Variants in TENM4 observed in about 807,000 individuals in gnomAD.
TENM4 encodes the protein teneurin transmembrane protein 4.
A neutral mutation model predicts 243.3 loss-of-function variants in TENM4; 82 were observed. The observed-to-expected ratio is 0.34, with a 90% confidence interval of 0.28 to 0.40. The LOEUF (loss-of-function observed/expected upper bound fraction) is 0.40, where lower values mean the gene tolerates loss of function less well. Among genes scored for constraint, TENM4 ranks in the 10% least tolerant of loss-of-function variants. The pLI is 1.00. For missense variants in TENM4, 3,138 were observed against 3,673.3 expected, an observed-to-expected ratio of 0.85 and a Z score of 3.77; for synonymous variants, 1,412 against 1,456.3, an observed-to-expected ratio of 0.97 and a Z score of 0.69.
chr11:78,993,566 CTCTT>C (rs1292952466), intron 6 of TENM4, among the ~76,000 whole-genome samples: 2 of 152,136 alleles, frequency 1.3e-5, no homozygotes, highest in Non-Finnish European at 2.9e-5. Flanking sequence ...TTATTCTTCT[CTCTT>C]TCTGCTTCAG....
At chr11:79,419,662 C>T (rs561530664) in intron 1 of TENM4, among the ~76,000 whole-genome samples, 3 of 152,196 alleles carry the variant, frequency 2.0e-5, no homozygotes, top group South Asian at 4.1e-4. Flanking sequence ...TTCATTTCCT[C>T]AGCTTTAATG....
intron 26 of TENM4, among the ~76,000 whole-genome samples, chr11:78,711,310 G>GC (rs1859391524): frequency 1.3e-5 from 2 of 152,134 alleles, no homozygotes; most frequent in Non-Finnish European, 2.9e-5. Context: ...CCATGTGCGG[G>GC]GTACTACTGC....
intron 9 of TENM4, among the ~76,000 whole-genome samples, chr11:78,887,481 A>G (rs566336984): frequency 6.6e-6 from 1 of 152,336 alleles, no homozygotes; most frequent in South Asian, 2.1e-4. Flanking sequence ...GTGACTATAT[A>G]TTTAACCCTG....
chr11:79,187,651 T>C (rs913409096), intron 3 of TENM4, among the ~76,000 whole-genome samples: 3 of 152,154 alleles, frequency 2.0e-5, no homozygotes, highest in African/African-American at 7.2e-5. Flanking sequence ...TAACCCCCAG[T>C]ACCTCAGAAT....
chr11:78,706,672 G>C (rs916972771), intron 27 of TENM4, among the ~76,000 whole-genome samples: 2 of 152,172 alleles, frequency 1.3e-5, no homozygotes, highest in African/African-American at 4.8e-5. Flanking sequence ...CCATATGCCA[G>C]TTGTCTTCCA....
At chr11:79,287,770 T>C (rs935774759) in intron 2 of TENM4, among the ~76,000 whole-genome samples, 4 of 152,128 alleles carry the variant, frequency 2.6e-5, no homozygotes, top group African/African-American at 9.7e-5. Flanking sequence ...ATCATGAGGA[T>C]TCTAGATTCT....
chr11:79,339,237 T>C (rs1857203018), intron 1 of TENM4, among the ~76,000 whole-genome samples: 1 of 152,186 alleles, frequency 6.6e-6, no homozygotes, highest in Admixed American at 6.5e-5. Flanking sequence ...CAAGTGCAGA[T>C]GACAGAACAC....
chr11:79,296,993 TGAAA>T (rs934906185), intron 2 of TENM4, among the ~76,000 whole-genome samples: 2 of 152,032 alleles, frequency 1.3e-5, no homozygotes, highest in Admixed American at 6.6e-5. Context: ...AAAAACAGTG[TGAAA>T]GAAAGAAAGC....
chr11:79,321,160 C>T (rs528028401), intron 1 of TENM4, among the ~76,000 whole-genome samples: 1 of 152,306 alleles, frequency 6.6e-6, no homozygotes, highest in Admixed American at 6.5e-5. Context: ...CTCATGAGGA[C>T]AGTGAGGGGC....
chr11:78,676,663 C>G (rs1447290979), intron 29 of TENM4, among the ~76,000 whole-genome samples: 2 of 152,244 alleles, frequency 1.3e-5, no homozygotes, highest in Non-Finnish European at 2.9e-5. Context: ...AGTTTTAAAA[C>G]AGTTATACAG....
chr11:78,776,275 G>T (rs1290483835), intron 17 of TENM4, among the ~76,000 whole-genome samples: 4 of 151,988 alleles, frequency 2.6e-5, no homozygotes, highest in Non-Finnish European at 5.9e-5. Flanking sequence ...GTTAAATTCC[G>T]CAATCTATAA....
intron 6 of TENM4, among the ~76,000 whole-genome samples, chr11:79,063,621 G>A (rs1860157354): frequency 6.6e-6 from 1 of 152,200 alleles, no homozygotes; most frequent in Non-Finnish European, 1.5e-5. Context: ...AGGGCTGGTA[G>A]GGCATGAAAT....
chr11:78,998,010 C>T (rs1286077895), intron 6 of TENM4, among the ~76,000 whole-genome samples: 1 of 152,154 alleles, frequency 6.6e-6, no homozygotes, highest in Non-Finnish European at 1.5e-5. Context: ...GTCTATTAGC[C>T]AGAACGTATG....
intron 4 of TENM4, among the ~76,000 whole-genome samples, chr11:79,141,142 G>T (rs1169011565): frequency 6.6e-6 from 1 of 152,026 alleles, no homozygotes. Context: ...TCCTACCTCT[G>T]CTCCTAATTC....
chr11:79,126,644 A>C (rs1296437502), intron 4 of TENM4, among the ~76,000 whole-genome samples: 1 of 152,160 alleles, frequency 6.6e-6, no homozygotes, highest in African/African-American at 2.4e-5. Flanking sequence ...CAAGTAGAAA[A>C]ATTCTAGGTC....
Position 78,729,537 on chromosome 11 carries a change from G to A in TENM4, c.3245C>T (p.Pro1082Leu), listed in dbSNP as rs764922741. 1.6e-5 allele frequency: 26 copies of A among 1,613,884 alleles called. No homozygotes were observed. In the East Asian group the frequency reaches 4.2e-4, roughly 26 times the overall value. Residue 1082 changes from proline to leucine, a missense_variant, in exon 22 of 34, where the codon CCG becomes CTG. By Grantham distance (98) the Pro-to-Leu change is moderately conservative. Around this residue, in one of 2 missense-constraint regions of TENM4, gnomAD observed 2,467 missense variants for 3,059.1 expected, o/e 0.81. Coordinates refer to ENST00000278550, the MANE Select transcript of TENM4 (RefSeq NM_001098816.3). ...CTTCATGAGGTTGAAGGGGATGGTC[G>A]GGTGGGTGAGGCTGATCCTCAGGAC... is the stretch of plus-strand genomic sequence containing the variant. ...KSVLRISLTH[P>L]TIPFNLMKVH...
chr11:78,799,198 A>C (rs1857229492), intron 15 of TENM4, among the ~76,000 whole-genome samples: 1 of 152,122 alleles, frequency 6.6e-6, no homozygotes, highest in South Asian at 2.1e-4. Context: ...CCACTGACCT[A>C]GTTGTTTGGG....
At chr11:79,413,678 A>G (rs570679735) in intron 1 of TENM4, among the ~76,000 whole-genome samples, 4 of 152,322 alleles carry the variant, frequency 2.6e-5, no homozygotes, top group South Asian at 2.1e-4. Flanking sequence ...CTAGTTTAGG[A>G]GAAAAAAAAA....
At chr11:78,983,386 CTGTT>C (rs1268492224) in intron 6 of TENM4, among the ~76,000 whole-genome samples, 1 of 152,200 alleles carries the variant, frequency 6.6e-6, no homozygotes, top group African/African-American at 2.4e-5. Context: ...ATTTTAATAT[CTGTT>C]TGCAGATGAT....
Sources: gnomAD v4.1 joint callset for allele counts (sites outside exome capture counted in the v4.1 genomes callset) on GRCh38, gnomAD v4.1.1 for gene constraint, gnomAD v4.1.1 regional missense constraint, MANE v1.5 for transcripts, NCBI Gene and HGNC (gene_info 2026-07-23, HGNC 2026-07-21) for gene names.